The following EPB41L4A variants were observed in gnomAD, a reference collection of about 807,000 sequenced individuals.
EPB41L4A encodes band 4.1-like protein 4A.
EPB41L4A carries 100 observed loss-of-function variants against 108.6 expected under a neutral mutation model. The observed-to-expected ratio is 0.92, with a 90% confidence interval of 0.78 to 1.09. The LOEUF (loss-of-function observed/expected upper bound fraction) is 1.09, where lower values mean the gene tolerates loss of function less well. EPB41L4A is among the 50% of genes least tolerant of loss of function. EPB41L4A has a pLI of 0.00. For synonymous variants in EPB41L4A, 319 were observed against 289.0 expected (o/e 1.10, Z -1.05); for missense variants, 1,030 against 842.7 (o/e 1.22, Z -2.75).
At position 112,184,005 on chromosome 5, in the gene EPB41L4A, A is replaced by C. The variant is rs1761294494; in HGVS notation, c.1622+11T>G. The stretch of plus-strand genomic sequence containing the variant: ...TGTTTTTGAATCAAGGTATAAAAAG[A>C]GTCCACATACGAACGAGATCTGTGT... On this transcript the variant is annotated intron_variant, in intron 18 of 22. Transcript: ENST00000261486. The C allele has an allele frequency of 2.5e-6, 4 of 1,613,692 alleles. No homozygotes were observed. Among genetic ancestry groups the C allele is most frequent in the Non-Finnish European group, 3.4e-6 (4 of 1,179,800 alleles).
chr5:112,263,604 A>G (rs906562520), intron 6 of EPB41L4A: 4 of 152,164 alleles, frequency 2.6e-5, no homozygotes, highest in East Asian at 1.9e-4. Flanking sequence ...TCCTAATGTT[A>G]TAACAAGCAC....
intron 1 of EPB41L4A, among the ~76,000 whole-genome samples, chr5:112,313,259 T>C (rs1032414194): frequency 6.6e-6 from 1 of 152,184 alleles, no homozygotes; most frequent in Non-Finnish European, 1.5e-5. Context: ...AAAACTTTAT[T>C]GAGAAAGTGA....
chr5:112,225,169 C>T (rs1748364264), intron 12 of EPB41L4A, among the ~76,000 whole-genome samples: 1 of 152,212 alleles, frequency 6.6e-6, no homozygotes, highest in African/African-American at 2.4e-5. Flanking sequence ...CAAATCATCA[C>T]TTCTTTGGGT....
At chr5:112,313,524 G>A (rs1755182038) in intron 1 of EPB41L4A, among the ~76,000 whole-genome samples, 1 of 152,154 alleles carries the variant, frequency 6.6e-6, no homozygotes, top group African/African-American at 2.4e-5. Flanking sequence ...CCGGGAGGTG[G>A]AGGCTGCAGT....
At chr5:112,297,869 T>C (rs570726691) in intron 2 of EPB41L4A, among the ~76,000 whole-genome samples, 1 of 152,320 alleles carries the variant, frequency 6.6e-6, no homozygotes, top group East Asian at 1.9e-4. Flanking sequence ...ATCATGTGAC[T>C]TGCCAATTAT....
At chr5:112,202,576 C>G (rs1762269588) in intron 15 of EPB41L4A, among the ~76,000 whole-genome samples, 1 of 152,198 alleles carries the variant, frequency 6.6e-6, no homozygotes, top group South Asian at 2.1e-4. Context: ...ATGGCAATAC[C>G]AAACAAATGC....
At chr5:112,331,941 C>G (rs1233260456) in intron 1 of EPB41L4A, among the ~76,000 whole-genome samples, 1 of 152,198 alleles carries the variant, frequency 6.6e-6, no homozygotes, top group African/African-American at 2.4e-5. Context: ...AAGTGACTCC[C>G]AAGAACAGCC....
chr5:112,160,497 T>C (rs943339436), downstream of EPB41L4A: 2 of 150,728 alleles, frequency 1.3e-5, no homozygotes, highest in Admixed American at 1.3e-4. Context: ...TGAATGACTC[T>C]ACTCTTCCTC....
chr5:112,404,149 A>G (rs146771764), intron 1 of EPB41L4A, among the ~76,000 whole-genome samples: 22 of 152,240 alleles, frequency 1.4e-4, no homozygotes, highest in Non-Finnish European at 2.8e-4. Flanking sequence ...ACCTCCCATA[A>G]GGCACAGCAC....
intron 2 of EPB41L4A, among the ~76,000 whole-genome samples, chr5:112,289,367 G>A (rs1316484293): frequency 1.3e-5 from 2 of 152,134 alleles, no homozygotes; most frequent in African/African-American, 4.8e-5. Context: ...AAGCAAACCA[G>A]GAATCCAGGA....
chr5:112,214,985 C>T, intron 12 of EPB41L4A, among the ~76,000 whole-genome samples: 1 of 152,066 alleles, frequency 6.6e-6, no homozygotes, highest in Non-Finnish European at 1.5e-5. Context: ...GCCTCAAAAT[C>T]TTAATAAAAT....
At chr5:112,205,287 G>T in intron 14 of EPB41L4A, 134 bp downstream of exon 14, 2 of 799,618 alleles carry the variant, frequency 2.5e-6, no homozygotes, top group South Asian at 1.4e-5. Flanking sequence ...GGGTCACATT[G>T]ATTTAGAGTC....
At chr5:112,332,692 A>G (rs1338906255) in intron 1 of EPB41L4A, among the ~76,000 whole-genome samples, 1 of 152,316 alleles carries the variant, frequency 6.6e-6, no homozygotes, top group Admixed American at 6.5e-5. Context: ...CCCCCCTGCT[A>G]ATTCTCGGAA....
chr5:112,268,948 A>C (rs1752066814), intron 4 of EPB41L4A, among the ~76,000 whole-genome samples: 1 of 151,862 alleles, frequency 6.6e-6, no homozygotes, highest in Non-Finnish European at 1.5e-5. Context: ...AAAAGGAAAG[A>C]GGAACAGAGG....
At chr5:112,160,815 A>G (rs1759841350), downstream of EPB41L4A, 1 of 156,088 alleles carries the variant, frequency 6.4e-6, no homozygotes, top group Non-Finnish European at 1.5e-5. Flanking sequence ...GCGCTCTCGG[A>G]CAGTGGGTCC....
downstream of EPB41L4A, chr5:112,162,099 T>A (rs1009027195): frequency 6.6e-6 from 1 of 152,254 alleles, no homozygotes; most frequent in Non-Finnish European, 1.5e-5. Flanking sequence ...TTGATTAAAA[T>A]GTAATACAAA....
intron 1 of EPB41L4A, among the ~76,000 whole-genome samples, chr5:112,347,350 T>C (rs1431852345): frequency 2.6e-5 from 4 of 152,224 alleles, no homozygotes; most frequent in African/African-American, 7.2e-5. Context: ...GAAAATGCAG[T>C]AGAATTAGGT....
chr5:112,184,308 T>G (rs1011258445), intron 17 of EPB41L4A, among the ~76,000 whole-genome samples, 173 bp from the exon 18 acceptor site: 2 of 152,228 alleles, frequency 1.3e-5, no homozygotes, highest in African/African-American at 4.8e-5. Context: ...TAAGCATATA[T>G]AAACCCTCAG....
intron 12 of EPB41L4A, chr5:112,228,781 G>A (rs1748656879): frequency 1.0e-6 from 1 of 982,780 alleles, no homozygotes; most frequent in Non-Finnish European, 1.2e-6. Context: ...TCCCTTTTCT[G>A]GCTTTACCCA....
Sources: gnomAD v4.1 joint callset for allele counts (sites outside exome capture counted in the v4.1 genomes callset) on GRCh38, gnomAD v4.1.1 for gene constraint, MANE v1.5 for transcripts, NCBI Gene and HGNC (gene_info 2026-07-23, HGNC 2026-07-21) for gene names.